GREB1: variants seen among roughly 807,000 people sequenced by gnomAD.
GREB1 encodes the protein protein GREB1.
Under a neutral mutation model 200.7 loss-of-function variants are expected in GREB1, and 106 were observed. The observed-to-expected ratio is 0.53, with a 90% confidence interval of 0.45 to 0.62. The LOEUF (loss-of-function observed/expected upper bound fraction) is 0.62. GREB1 is among the 20% of genes least tolerant of loss of function. The pLI is 0.00. For missense variants in GREB1, 2,243 were observed against 2,556.8 expected, an observed-to-expected ratio of 0.88 and a Z score of 2.65; for synonymous variants, 1,132 against 1,092.4, an observed-to-expected ratio of 1.04 and a Z score of -0.72.
chr2:11,564,674 A>G (rs910733384), intron 3 of GREB1, among the ~76,000 whole-genome samples: 3 of 152,204 alleles, frequency 2.0e-5, no homozygotes, highest in Non-Finnish European at 2.9e-5. Flanking sequence ...TAGGTCAGAG[A>G]GTTAGGGGAC....
At chr2:11,566,732 G>T (rs1572729917) in intron 4 of GREB1, 76 bp downstream of exon 4, 1 of 1,361,614 alleles carries the variant, frequency 7.3e-7, no homozygotes. Context: ...CACGGCGGGG[G>T]GTGGTGGCAA....
intron 1 of GREB1, among the ~76,000 whole-genome samples, chr2:11,521,762 C>T (rs1558499307): frequency 6.6e-6 from 1 of 152,222 alleles, no homozygotes; most frequent in Non-Finnish European, 1.5e-5. Flanking sequence ...GCTAATAACG[C>T]AAACCATTTC....
At position 11,632,929 on chromosome 2, in the gene GREB1, C is replaced by T. The variant is rs747804790; in HGVS notation, c.4857C>T (p.Asn1619=). Reference sequence around the variant, plus strand: ...TCATCAAGGAGCTGTCCTACCATAACCTGGAGCTCGAGCGGAACCGGCAGG... The same window carrying T: ...TCATCAAGGAGCTGTCCTACCATAATCTGGAGCTCGAGCGGAACCGGCAGG... ...HFLIKELSYH[N]LELERNRQEE... Residue 1619 remains asparagine, a synonymous_variant, in exon 28 of 33, where the codon AAC becomes AAT. Transcript: ENST00000381486. 11 of 1,614,062 alleles carry T rather than the reference C, an allele frequency of 6.8e-6. No homozygotes were observed. Among genetic ancestry groups the T allele is most frequent in the South Asian group, 3.3e-5 (3 of 91,086 alleles).
intron 3 of GREB1, among the ~76,000 whole-genome samples, chr2:11,565,241 G>A (rs1011723027): frequency 1.2e-4 from 19 of 152,246 alleles, no homozygotes; most frequent in Admixed American, 1.2e-3. Context: ...TTTGCTGCAG[G>A]TGATGAGATG....
In GREB1 at chr2:11,564,404, G is replaced by T. The variant is rs530951608; in HGVS notation, c.277+1822G>T. ...GGTAAGAGGTGAACTCTTCAGCCAG[G>T]CATGGTGGCACAAGTAGTCAAGTCC... On this transcript the variant is annotated intron_variant, in intron 3 of 32. Coordinates refer to ENST00000381486, the MANE Select transcript of GREB1 (RefSeq NM_014668.4). Among the ~76,000 whole-genome samples the T allele has an allele frequency of 5.9e-5, 9 of 152,310 alleles. No individual in the cohort carries two copies. The South Asian group carries it at 1.9e-3, about 32-fold the overall frequency.
chr2:11,631,060 G>A (rs902993812), intron 26 of GREB1, among the ~76,000 whole-genome samples: 1 of 152,112 alleles, frequency 6.6e-6, no homozygotes, highest in African/African-American at 2.4e-5. Context: ...TGGGTGTTGC[G>A]GTGAAATTCC....
chr2:11,590,949 T>C (rs1680665436), intron 10 of GREB1, among the ~76,000 whole-genome samples: 1 of 152,126 alleles, frequency 6.6e-6, no homozygotes, highest in African/African-American at 2.4e-5. Flanking sequence ...CCCTGACCAT[T>C]GGGTTTGGCC....
intron 19 of GREB1, among the ~76,000 whole-genome samples, chr2:11,613,523 G>C (rs1335560077): frequency 6.6e-6 from 1 of 152,218 alleles, no homozygotes; most frequent in Non-Finnish European, 1.5e-5. Context: ...AGTCTGGCCA[G>C]CAGTGGGCCT....
chr2:11,483,546 T>A (rs1453471615), intron 1 of GREB1, among the ~76,000 whole-genome samples: 3 of 151,686 alleles, frequency 2.0e-5, no homozygotes, highest in Non-Finnish European at 2.9e-5. Flanking sequence ...AATTTTGGGG[T>A]ATCTTTCCTG....
chr2:11,622,742 A>G (rs996156706), intron 23 of GREB1, among the ~76,000 whole-genome samples: 39 of 152,188 alleles, frequency 2.6e-4, no homozygotes, highest in African/African-American at 9.2e-4. Flanking sequence ...GAAGCTATGC[A>G]GGTTTTGCTG....
At chr2:11,632,163 A>G in intron 27 of GREB1, 50 bp downstream of exon 27, 1 of 1,332,832 alleles carries the variant, frequency 7.5e-7, no homozygotes, top group Non-Finnish European at 1.1e-6. Context: ...GTGAACGAAC[A>G]CTTGAGAGAG....
intron 19 of GREB1, 101 bp from the exon 20 acceptor site, chr2:11,614,990 G>A (rs1286637229): frequency 5.8e-6 from 5 of 862,070 alleles, no homozygotes; most frequent in Non-Finnish European, 7.9e-6. Context: ...TCCTCACCAG[G>A]AAGGTGGGGT....
chr2:11,571,498 A>G (rs1440934241), intron 4 of GREB1, among the ~76,000 whole-genome samples: 1 of 152,230 alleles, frequency 6.6e-6, no homozygotes, highest in Non-Finnish European at 1.5e-5. Flanking sequence ...ATAAAGATGT[A>G]CGCGGTACCT....
At chr2:11,514,331 G>C (rs1673429780) in intron 1 of GREB1, among the ~76,000 whole-genome samples, 1 of 80,196 alleles carries the variant, frequency 1.2e-5, no homozygotes, top group African/African-American at 4.8e-5. Flanking sequence ...GAGAAAATCA[G>C]TTATGTTCCA....
intron 1 of GREB1, among the ~76,000 whole-genome samples, chr2:11,552,997 G>C (rs1270898284): frequency 8.5e-6 from 1 of 116,990 alleles, no homozygotes; most frequent in South Asian, 2.8e-4. Flanking sequence ...GCGACAGAGC[G>C]AAACTCCGTC....
At chr2:11,634,681 G>A (rs960929677) in intron 29 of GREB1, among the ~76,000 whole-genome samples, 3 of 152,080 alleles carry the variant, frequency 2.0e-5, no homozygotes, top group East Asian at 1.9e-4. Context: ...ATATCTAGTC[G>A]CAGAAGTGCT....
intron 9 of GREB1, chr2:11,587,376 C>G (rs1171985594): frequency 6.2e-7 from 1 of 1,606,268 alleles, no homozygotes; most frequent in Admixed American, 1.7e-5. Flanking sequence ...CTCTTGCCCA[C>G]TGCAGTATTT....
intron 10 of GREB1, 78 bp downstream of exon 10, chr2:11,589,009 G>T: frequency 8.7e-7 from 1 of 1,153,496 alleles, no homozygotes. Context: ...GGCCCTCGTG[G>T]GGGCTGACTT....
Position 11,640,480 on chromosome 2 carries a change from G to C in GREB1, c.*26G>C. On this transcript the variant is annotated 3_prime_UTR_variant, in exon 33 of 33. Transcript: ENST00000381486. The surrounding 1 kb of genome is among the most constrained non-coding windows in gnomAD (Gnocchi z 4.6). ...GGAAGACAGCGGCGAGTTTTCTGAA[G>C]AGATGAGTGCTCAGAGCCCTCATGC... 1 of 1,612,774 alleles carries C rather than the reference G, an allele frequency of 6.2e-7. No homozygotes were observed. Among genetic ancestry groups the C allele is most frequent in the Non-Finnish European group, 8.5e-7 (1 of 1,179,214 alleles).
Sources: allele counts gnomAD v4.1 joint callset (sites outside exome capture counted in the v4.1 genomes callset), GRCh38; gene constraint gnomAD v4.1.1; non-coding constraint Gnocchi (gnomAD v3.1); transcripts MANE v1.5; gene names NCBI Gene and HGNC (gene_info 2026-07-23, HGNC 2026-07-21).